The following MYOM2 variants were observed in gnomAD, a reference collection of about 807,000 sequenced individuals.
MYOM2 encodes the protein myomesin-2.
Under a neutral mutation model 187.6 loss-of-function variants are expected in MYOM2, and 254 were observed. The observed-to-expected ratio is 1.35, with a 90% CI of 1.22 to 1.50. The LOEUF (loss-of-function observed/expected upper bound fraction) is 1.50, where lower values mean the gene tolerates loss of function less well. Ranked by LOEUF, MYOM2 falls within the 40% of genes most tolerant of loss-of-function variation. The pLI is 0.00. For synonymous variants in MYOM2, 981 were observed against 753.8 expected (o/e 1.30, Z -4.94); for missense variants, 2,796 against 1,924.0 (o/e 1.45, Z -8.48).
At position 2,129,188 on chromosome 8, in the gene MYOM2, C is replaced by G. The variant is rs770535431; in HGVS notation, c.3756C>G (p.Phe1252Leu). The G allele has an allele frequency of 1.4e-5, 22 of 1,612,204 alleles. No individual in the cohort carries two copies. In the South Asian group the frequency reaches 2.3e-4, roughly 17 times the overall value. ...CAGAAGGAATACGACTTCAGTGTTT[C>G]ATGAAGTATTTTACAGACGAAATGA... ...CTPEGIRLQC[F>L]MKYFTDEMKV... Residue 1252 changes from phenylalanine to leucine, a missense_variant, in exon 32 of 37, where the codon TTC becomes TTG. Transcript: ENST00000262113.
intron 32 of MYOM2, among the ~76,000 whole-genome samples, chr8:2,140,450 C>G (rs1798234608): frequency 6.6e-6 from 1 of 152,046 alleles, no homozygotes; most frequent in Non-Finnish European, 1.5e-5. Context: ...AACTACCATA[C>G]TATATAGAGT....
At chr8:2,077,384 C>CA (rs1198777228) in intron 11 of MYOM2, among the ~76,000 whole-genome samples, 1 of 151,832 alleles carries the variant, frequency 6.6e-6, no homozygotes, top group Non-Finnish European at 1.5e-5. Flanking sequence ...GGTAGAAATG[C>CA]AAAATTTTAT....
At chr8:2,078,311 G>A (rs1819504111) in intron 11 of MYOM2, among the ~76,000 whole-genome samples, 1 of 152,188 alleles carries the variant, frequency 6.6e-6, no homozygotes, top group Non-Finnish European at 1.5e-5. Context: ...AGGCAGAGGG[G>A]GCTGAGCCTG....
At chr8:2,060,327 G>C (rs1273576806) in intron 6 of MYOM2, among the ~76,000 whole-genome samples, 1 of 152,124 alleles carries the variant, frequency 6.6e-6, no homozygotes, top group Non-Finnish European at 1.5e-5. Flanking sequence ...CAATTATCAA[G>C]AGACAGATAG....
chr8:2,094,153 T>C, intron 17 of MYOM2, 62 bp downstream of exon 17: 1 of 1,583,868 alleles, frequency 6.3e-7, no homozygotes, highest in Non-Finnish European at 8.6e-7. Flanking sequence ...TCTGCATGAA[T>C]AAACATTTGT....
At position 2,073,496 on chromosome 8, in the gene MYOM2, C is replaced by T. The variant is rs1192004632; in HGVS notation, c.1116C>T (p.Val372=). The T allele has an allele frequency of 6.2e-7, 1 of 1,601,588 alleles. No individual in the cohort carries two copies. Among genetic ancestry groups the T allele is most frequent in the Non-Finnish European group, 8.5e-7 (1 of 1,177,934 alleles). ...GVSDHSAFLF[V]RDADPLVTGA... Reference sequence around the variant, plus strand: ...GCGACCACAGCGCCTTCCTGTTTGTCAGAGGTGCGGGCAGCAGGGTTCTCA... The same window carrying T: ...GCGACCACAGCGCCTTCCTGTTTGTTAGAGGTGCGGGCAGCAGGGTTCTCA... Residue 372 remains valine, a synonymous_variant, in exon 10 of 37, where the codon GTC becomes GTT. Coordinates refer to ENST00000262113, the MANE Select transcript of MYOM2 (RefSeq NM_003970.4).
intron 2 of MYOM2, among the ~76,000 whole-genome samples, chr8:2,051,637 T>A (rs1818492164): frequency 6.6e-6 from 1 of 152,156 alleles, no homozygotes; most frequent in Admixed American, 6.5e-5. Context: ...CCTTGGGGTG[T>A]CTCAAATCCC....
At chr8:2,059,276 G>A (rs1563419086) in intron 6 of MYOM2, 31 bp downstream of exon 6, 2 of 1,597,992 alleles carry the variant, frequency 1.3e-6, no homozygotes, top group Non-Finnish European at 1.7e-6. Flanking sequence ...CTGGACGCTG[G>A]CGTCCAGTAA....
chr8:2,112,967 C>G lies in MYOM2; in HGVS notation c.3181-2993C>G, dbSNP rs564224967. Among the ~76,000 whole-genome samples, 23 of 152,302 alleles carry G rather than the reference C, an allele frequency of 1.5e-4. No individual in the cohort carries two copies. In the South Asian group the frequency reaches 4.4e-3, roughly 29 times the overall value. On this transcript the variant is annotated intron_variant, in intron 25 of 36. Transcript: ENST00000262113. ...CACAGGTTATTAGTTTTTTGTTTTG[C>G]TCATGTGGCCCCAAGAGCCTCCTTG...
chr8:2,137,842 G>C (rs1798135045), intron 32 of MYOM2, among the ~76,000 whole-genome samples: 1 of 152,156 alleles, frequency 6.6e-6, no homozygotes. Context: ...GGGGGATAAA[G>C]AAGTCTTTCT....
chr8:2,068,450 G>A (rs1401377242), intron 6 of MYOM2, among the ~76,000 whole-genome samples: 10 of 149,752 alleles, frequency 6.7e-5, no homozygotes, highest in East Asian at 2.0e-4. Flanking sequence ...TTCAATGCCC[G>A]TGTGCACCAG....
intron 27 of MYOM2, among the ~76,000 whole-genome samples, chr8:2,117,095 ACTT>A (rs766872665): frequency 1.3e-5 from 2 of 152,210 alleles, no homozygotes; most frequent in Non-Finnish European, 2.9e-5. Context: ...GGATTTCTGA[ACTT>A]CTTGAGAAAA....
At chr8:2,132,648 G>T (rs1383092892) in intron 32 of MYOM2, among the ~76,000 whole-genome samples, 2 of 152,076 alleles carry the variant, frequency 1.3e-5, no homozygotes, top group African/African-American at 4.8e-5. Context: ...GAGCAGTGGT[G>T]CCATTCTAGC....
At chr8:2,045,861 G>T (rs899274333) in intron 1 of MYOM2, among the ~76,000 whole-genome samples, 2 of 152,240 alleles carry the variant, frequency 1.3e-5, no homozygotes, top group Non-Finnish European at 2.9e-5. Flanking sequence ...GTGGTTGCAC[G>T]TGGAAGGCAC....
At chr8:2,116,812 C>T (rs1016837714) in intron 27 of MYOM2, among the ~76,000 whole-genome samples, 6 of 152,152 alleles carry the variant, frequency 3.9e-5, no homozygotes, top group African/African-American at 1.2e-4. Context: ...GGCTGGAGTG[C>T]GGTGATGCCA....
intron 14 of MYOM2, among the ~76,000 whole-genome samples, chr8:2,086,360 T>TGTCGTGATCTCTGCGTGGCAC (rs1796050220): frequency 7.3e-4 from 2 of 2,736 alleles, no homozygotes; most frequent in African/African-American, 2.5e-3. Context: ...CTGCGTGGCC[T>TGTCGTGATCTCTGCGTGGCAC]CCCACTGTTG....
chr8:2,142,970 G>T (rs528603142), intron 35 of MYOM2, among the ~76,000 whole-genome samples: 5 of 151,902 alleles, frequency 3.3e-5, no homozygotes, highest in Non-Finnish European at 7.4e-5. Flanking sequence ...TGGCCAGGCT[G>T]GTCTCTAACT....
At chr8:2,061,564 C>T (rs992322820) in intron 6 of MYOM2, among the ~76,000 whole-genome samples, 1 of 152,126 alleles carries the variant, frequency 6.6e-6, no homozygotes, top group Admixed American at 6.5e-5. Flanking sequence ...GGCTTCTGCC[C>T]GGTGGTGCCC....
chr8:2,068,933 G>T (rs567211878), intron 6 of MYOM2, among the ~76,000 whole-genome samples: 21 of 152,344 alleles, frequency 1.4e-4, no homozygotes, highest in African/African-American at 4.8e-4. Flanking sequence ...CCATTGACAA[G>T]ATGAAACCGC....
Sources: gnomAD v4.1 joint callset for allele counts (sites outside exome capture counted in the v4.1 genomes callset) on GRCh38, gnomAD v4.1.1 for gene constraint, MANE v1.5 for transcripts, NCBI Gene and HGNC (gene_info 2026-07-23, HGNC 2026-07-21) for gene names.